Variants in RECK observed in about 807,000 individuals in gnomAD.
The protein encoded by RECK is reversion inducing cysteine rich protein with kazal motifs.
In RECK, 69 loss-of-function variants were observed where a neutral mutation model predicts 115.1. That is an observed-to-expected ratio of 0.60 (90% confidence interval 0.49 to 0.73). The LOEUF (loss-of-function observed/expected upper bound fraction) is 0.73. Among genes scored for constraint, RECK ranks in the 30% least tolerant of loss-of-function variants. The probability of loss-of-function intolerance (pLI) is 0.00; values close to 1 mark genes in which losing one functional copy is unlikely to be tolerated. For synonymous variants in RECK, 414 were observed against 419.7 expected (o/e 0.99, Z 0.17); for missense variants, 1,047 against 1,203.7 (o/e 0.87, Z 1.93).
At chr9:36,110,313 A>G (rs996895161) in intron 15 of RECK, among the ~76,000 whole-genome samples, 1 of 152,208 alleles carries the variant, frequency 6.6e-6, no homozygotes, top group Non-Finnish European at 1.5e-5. Context: ...GAATTTCATG[A>G]GTCAAAAAGA....
intron 10 of RECK, among the ~76,000 whole-genome samples, chr9:36,092,542 A>ATTTTTTTTTT (rs71508011): frequency 3.4e-3 from 402 of 116,716 alleles, no homozygotes; most frequent in Non-Finnish European, 5.0e-3. Context: ...CACCCAGCTA[A>ATTTTTTTTTT]TTTTTTTTTT....
At position 36,104,292 on chromosome 9, in the gene RECK, G is replaced by GTGCATATATATATATA. The variant is rs34438663; in HGVS notation, c.1436-850_1436-849insGCATATATATATATAT. On this transcript the variant is annotated intron_variant, in intron 12 of 20. Coordinates refer to ENST00000377966, the MANE Select transcript of RECK (RefSeq NM_021111.3). ...ATACATAGCATGTGTGTGTGTGTGT[G>GTGCATATATATATATA]TATATATATATATATATATATATAT... is the stretch of plus-strand genomic sequence containing the variant. 1.4e-3 allele frequency among the ~76,000 whole-genome samples: 61 copies of GTGCATATATATATATA among 43,888 alleles called. 4 individuals are homozygous for GTGCATATATATATATA. Among genetic ancestry groups the GTGCATATATATATATA allele is most frequent in the East Asian group, 3.2e-3 (4 of 1,256 alleles). 28.8% of individuals were successfully genotyped at this position (43,888 alleles called of 152,430 possible).
chr9:36,105,801 A>G (rs534427321), intron 13 of RECK, among the ~76,000 whole-genome samples: 1 of 152,348 alleles, frequency 6.6e-6, no homozygotes, highest in African/African-American at 2.4e-5. Context: ...TTTTTATCCC[A>G]TAGAATTATG....
intron 6 of RECK, among the ~76,000 whole-genome samples, chr9:36,073,946 C>T (rs575731896): frequency 6.6e-6 from 1 of 152,196 alleles, no homozygotes; most frequent in East Asian, 1.9e-4. Context: ...TGCAAGCCAG[C>T]TTGTAACTTA....
rs35193636 is a variant in RECK, at chr9:36,042,423, AGTGTGTGTGTGTGTGTGT to A, written c.100+5350_100+5367del. ...TTTTTATGGCTGAGTAGTATTCCAT[AGTGTGTGTGTGTGTGTGT>A]GTGTGTGTGTGTGTGTGTGTGTGTA... On this transcript the variant is annotated intron_variant, in intron 1 of 20. Transcript: ENST00000377966. Among the ~76,000 whole-genome samples the A allele has an allele frequency of 4.3e-3, 618 of 144,454 alleles. 5 individuals are homozygous for A. Among genetic ancestry groups the A allele is most frequent in the African/African-American group, 0.014 (553 of 39,034 alleles). 94.8% of individuals were successfully genotyped at this position (144,454 alleles called of 152,430 possible).
At chr9:36,063,317 A>T (rs1028726763) in intron 4 of RECK, among the ~76,000 whole-genome samples, 5 of 152,186 alleles carry the variant, frequency 3.3e-5, no homozygotes, top group African/African-American at 1.2e-4. Context: ...CTATTTACTA[A>T]GTATCAGTTT....
At chr9:36,048,313 C>A (rs74830818) in intron 1 of RECK, among the ~76,000 whole-genome samples, 3,864 of 151,970 alleles carry the variant, frequency 0.025, 170 homozygotes, top group African/African-American at 0.087. Flanking sequence ...ACAACAGTTA[C>A]ATGCCTCTGA....
At chr9:36,093,629 C>G (rs1823242108) in intron 10 of RECK, among the ~76,000 whole-genome samples, 1 of 152,056 alleles carries the variant, frequency 6.6e-6, no homozygotes, top group African/African-American at 2.4e-5. Context: ...ATAAGTGATA[C>G]AACATCTGTG....
intron 2 of RECK, chr9:36,056,954 G>A (rs1174017797): frequency 1.0e-6 from 1 of 985,054 alleles, no homozygotes; most frequent in Non-Finnish European, 1.2e-6. Flanking sequence ...GCTAACTGGA[G>A]ATAAATCCTT....
intron 16 of RECK, among the ~76,000 whole-genome samples, chr9:36,115,534 C>T (rs1042989749): frequency 2.6e-4 from 39 of 151,984 alleles, no homozygotes; most frequent in African/African-American, 7.5e-4. Flanking sequence ...CAAGCTTTTT[C>T]TCTCAAAGTT....
chr9:36,103,620 G>T (rs1269355889), intron 12 of RECK, among the ~76,000 whole-genome samples: 3 of 152,224 alleles, frequency 2.0e-5, no homozygotes, highest in African/African-American at 7.2e-5. Flanking sequence ...ATCAGGGAGA[G>T]AAAAGTATGT....
At chr9:36,083,219 G>A (rs1822799394) in intron 7 of RECK, 146 bp from the exon 8 acceptor site, 1 of 762,606 alleles carries the variant, frequency 1.3e-6, no homozygotes, top group African/African-American at 1.8e-5. Context: ...TATACCTACA[G>A]AAGTGCCGAT....
rs573517518 is a variant in RECK at position 36,038,349 on chromosome 9, T to A, written c.100+1251T>A. 2.6e-5 allele frequency among the ~76,000 whole-genome samples: 4 copies of A among 152,322 alleles called. No individual in the cohort carries two copies. The East Asian group carries it at 7.7e-4, about 29-fold the overall frequency. ...GTATTAACTATAGCTAGGTTTCAAATTTAGCTGTAAACTATCCCAAAGAAT... is the reference window on the plus strand; with the variant it reads ...GTATTAACTATAGCTAGGTTTCAAAATTAGCTGTAAACTATCCCAAAGAAT... On this transcript the variant is annotated intron_variant, in intron 1 of 20. Coordinates refer to ENST00000377966, the MANE Select transcript of RECK (RefSeq NM_021111.3).
At chr9:36,074,039 C>CA (rs1257467775) in intron 6 of RECK, among the ~76,000 whole-genome samples, 1 of 152,018 alleles carries the variant, frequency 6.6e-6, no homozygotes, top group Non-Finnish European at 1.5e-5. Context: ...CCACCCCCCA[C>CA]AAAAAAAGCT....
intron 9 of RECK, among the ~76,000 whole-genome samples, chr9:36,089,700 T>A (rs1823089773): frequency 6.6e-6 from 1 of 152,178 alleles, no homozygotes; most frequent in African/African-American, 2.4e-5. Flanking sequence ...AAGGTATATA[T>A]GAACATAAAT....
rs188160177 is a variant in RECK, at chr9:36,117,183, G to A, written c.2253+6G>A. ...CTTACAAAGGTCCCTGCCAGGTACAGTGCTTTGGCTGACAAAACAAAGTAC... is the reference window on the plus strand; with the variant it reads ...CTTACAAAGGTCCCTGCCAGGTACAATGCTTTGGCTGACAAAACAAAGTAC... On this transcript the variant is annotated splice_donor_region_variant and intron_variant, in intron 17 of 20. Coordinates refer to ENST00000377966, the MANE Select transcript of RECK (RefSeq NM_021111.3). The A allele has an allele frequency of 3.1e-4, 488 of 1,589,554 alleles. 2 individuals are homozygous for A. In the Middle Eastern group the frequency reaches 3.5e-3, roughly 12 times the overall value.
chr9:36,075,318 C>T (rs556153825), intron 6 of RECK, among the ~76,000 whole-genome samples: 1 of 152,346 alleles, frequency 6.6e-6, no homozygotes, highest in African/African-American at 2.4e-5. Flanking sequence ...GCAGATGTTA[C>T]TTGCCAGTGA....
chr9:36,064,242 A>G (rs1465353543), intron 5 of RECK, among the ~76,000 whole-genome samples: 2 of 152,020 alleles, frequency 1.3e-5, no homozygotes, highest in Non-Finnish European at 2.9e-5. Flanking sequence ...CAGTTGGCTC[A>G]TTTTTTCATC....
At position 36,100,557 on chromosome 9, in the gene RECK, A is replaced by G; in HGVS notation, c.1298+14A>G. 6.3e-7 allele frequency: 1 copy of G among 1,588,950 alleles called. No homozygotes were observed. The highest frequency in any genetic ancestry group is 1.1e-5 in the South Asian group (1 of 90,404). On this transcript the variant is annotated intron_variant, in intron 11 of 20. Transcript: ENST00000377966. ...TATTATTTGCAAGTAAGTTTCTTTC[A>G]TCCTAACGATTCTCCAGCTTTAGTT...
Sources: allele counts gnomAD v4.1 joint callset (sites outside exome capture counted in the v4.1 genomes callset), GRCh38; gene constraint gnomAD v4.1.1; transcripts MANE v1.5; gene names NCBI Gene and HGNC (gene_info 2026-07-23, HGNC 2026-07-21).